The following OPCML variants were observed in gnomAD, a reference collection of about 807,000 sequenced individuals.
OPCML encodes the protein opioid-binding protein/cell adhesion molecule.
In OPCML, 13 loss-of-function variants were observed where a neutral mutation model predicts 37.8. The ratio of observed to expected loss-of-function variants is 0.34; its 90% confidence interval spans 0.22 to 0.55. The LOEUF (loss-of-function observed/expected upper bound fraction) is 0.55. Ranked by LOEUF, OPCML falls within the 20% of genes least tolerant of loss-of-function variation. The pLI is 0.91. For missense variants in OPCML, 341 were observed against 435.6 expected, an observed-to-expected ratio of 0.78 and a Z score of 1.93; for synonymous variants, 176 against 168.8, an observed-to-expected ratio of 1.04 and a Z score of -0.33.
intron 2 of OPCML, among the ~76,000 whole-genome samples, chr11:132,773,650 T>C (rs1946718237): frequency 6.6e-6 from 1 of 152,330 alleles, no homozygotes; most frequent in East Asian, 1.9e-4. Flanking sequence ...TTCTAGAAGT[T>C]TCTTCACTTT....
chr11:132,924,805 T>C (rs1281012122), intron 2 of OPCML, among the ~76,000 whole-genome samples: 7 of 152,342 alleles, frequency 4.6e-5, no homozygotes, highest in Non-Finnish European at 1.0e-4. Context: ...TGTGGTTTGG[T>C]GTCCGGCATT....
intron 1 of OPCML, among the ~76,000 whole-genome samples, chr11:133,018,018 T>A (rs541687579): frequency 6.6e-6 from 1 of 152,330 alleles, no homozygotes; most frequent in African/African-American, 2.4e-5. Context: ...CAGCCCTTGA[T>A]ACCTGCAGCC....
At chr11:132,823,702 A>G (rs777941288) in intron 2 of OPCML, among the ~76,000 whole-genome samples, 1 of 152,164 alleles carries the variant, frequency 6.6e-6, no homozygotes, top group Non-Finnish European at 1.5e-5. Context: ...AAAGAATTCT[A>G]TATATGCTTT....
At chr11:133,007,933 A>G (rs1182417618) in intron 1 of OPCML, 14 of 985,336 alleles carry the variant, frequency 1.4e-5, no homozygotes, top group Non-Finnish European at 1.7e-5. Context: ...TTGTGCATTT[A>G]TGTTTTATAT....
At chr11:132,712,257 C>A (rs1944294597) in intron 2 of OPCML, among the ~76,000 whole-genome samples, 1 of 152,086 alleles carries the variant, frequency 6.6e-6, no homozygotes, top group Non-Finnish European at 1.5e-5. Flanking sequence ...AGGACTTCAG[C>A]CTGGTTTTCT....
chr11:133,141,095 G>GAAGAAGAAGAGGA lies in OPCML; in HGVS notation c.62-198086_62-198085insTCCTCTTCTTCTT, dbSNP rs1565469375. 1.5e-4 allele frequency among the ~76,000 whole-genome samples: 2 copies of GAAGAAGAAGAGGA among 12,928 alleles called. 1 individual carries two copies. The highest frequency in any genetic ancestry group is 2.8e-4 in the African/African-American group (2 of 7,130). 8.5% of individuals were successfully genotyped at this position (12,928 alleles called of 152,430 possible). On this transcript the variant is annotated intron_variant, in intron 1 of 7. Coordinates refer to ENST00000524381, the MANE Select transcript of OPCML (RefSeq NM_001012393.5). ...GAAGAAGAAGAAGAAGAAGAAGAAG[G>GAAGAAGAAGAGGA]AGAAGAAGAAGCAGCTGAATGCCAA...
intron 2 of OPCML, among the ~76,000 whole-genome samples, chr11:132,836,093 A>G (rs4641492): frequency 0.28 from 42,373 of 152,094 alleles, 6,921 homozygotes; most frequent in Non-Finnish European, 0.38. Flanking sequence ...TGTATTTCAA[A>G]ATGCGAAATT....
At position 133,036,879 on chromosome 11, in the gene OPCML, T is replaced by C. The variant is rs149346820; in HGVS notation, c.62-93869A>G. Among the ~76,000 whole-genome samples the C allele has an allele frequency of 1.3e-4, 20 of 152,310 alleles. No homozygotes were observed. In the East Asian group the frequency reaches 3.9e-3, roughly 29 times the overall value. On this transcript the variant is annotated intron_variant, in intron 1 of 7. Transcript: ENST00000524381. ...TCTTCAGTTGTCCCACATCTATTCC[T>C]CCTTCTCTTTCATAATCCATTTGCT...
chr11:132,421,625 T>C (rs550884854), intron 7 of OPCML, among the ~76,000 whole-genome samples: 9 of 152,248 alleles, frequency 5.9e-5, no homozygotes, highest in Non-Finnish European at 1.2e-4. Flanking sequence ...ACTTAAAATA[T>C]ACATGCTTTT....
At chr11:132,728,210 C>T (rs992683963) in intron 2 of OPCML, among the ~76,000 whole-genome samples, 1 of 152,192 alleles carries the variant, frequency 6.6e-6, no homozygotes, top group African/African-American at 2.4e-5. Context: ...TGGCCAGGCT[C>T]CTGTAGCCCC....
chr11:132,535,343 G>A (rs118105364), intron 3 of OPCML, among the ~76,000 whole-genome samples: 4 of 152,010 alleles, frequency 2.6e-5, no homozygotes, highest in Non-Finnish European at 4.4e-5. Flanking sequence ...CTTTTAGGGG[G>A]TGTCTGTTTC....
chr11:132,729,420 T>A (rs1326087980), intron 2 of OPCML, among the ~76,000 whole-genome samples: 1 of 152,104 alleles, frequency 6.6e-6, no homozygotes, highest in Non-Finnish European at 1.5e-5. Context: ...CTTCCAAGGT[T>A]GGACAAAGGT....
chr11:133,503,464 G>A (rs1348019299), intron 1 of OPCML, among the ~76,000 whole-genome samples: 1 of 152,186 alleles, frequency 6.6e-6, no homozygotes, highest in Non-Finnish European at 1.5e-5. Context: ...ACAGCCAAAC[G>A]CAGCTCCTCC....
intron 1 of OPCML, among the ~76,000 whole-genome samples, chr11:133,481,392 T>C (rs1457962531): frequency 6.6e-6 from 1 of 151,970 alleles, no homozygotes. Context: ...GCAGACACAG[T>C]ATTAGAGCCC....
intron 1 of OPCML, among the ~76,000 whole-genome samples, chr11:133,442,547 A>G (rs1309484323): frequency 6.6e-6 from 1 of 152,188 alleles, no homozygotes; most frequent in Non-Finnish European, 1.5e-5. Context: ...ACATGTCAGT[A>G]AATAGGCTTC....
At chr11:133,142,139 ACCT>A (rs1176928410) in intron 1 of OPCML, among the ~76,000 whole-genome samples, 2 of 151,944 alleles carry the variant, frequency 1.3e-5, no homozygotes, top group Non-Finnish European at 2.9e-5. Flanking sequence ...CTCTATTCTC[ACCT>A]CTATTTCAAT....
intron 1 of OPCML, among the ~76,000 whole-genome samples, chr11:133,186,816 C>G (rs532105068): frequency 6.6e-6 from 1 of 152,254 alleles, no homozygotes; most frequent in East Asian, 1.9e-4. Flanking sequence ...CTGACTGGTG[C>G]TCAGTGTGGG....
At chr11:133,224,712 T>A (rs1290287741) in intron 1 of OPCML, among the ~76,000 whole-genome samples, 1 of 152,184 alleles carries the variant, frequency 6.6e-6, no homozygotes, top group Non-Finnish European at 1.5e-5. Context: ...AAAACAAAAC[T>A]GACTTTGAAC....
chr11:133,087,696 C>G lies in OPCML; in HGVS notation c.62-144686G>C, dbSNP rs559088422. Among the ~76,000 whole-genome samples, 22 of 152,340 alleles carry G rather than the reference C, an allele frequency of 1.4e-4. No individual in the cohort carries two copies. In the South Asian group the frequency reaches 4.6e-3, roughly 32 times the overall value. ...CATTTAGGAGCATCTATTAATATAT[C>G]TAACATGCCAGCGTGCCAGAGAACA... On this transcript the variant is annotated intron_variant, in intron 1 of 7. Coordinates refer to ENST00000524381, the MANE Select transcript of OPCML (RefSeq NM_001012393.5).
Sources: allele counts gnomAD v4.1 joint callset (sites outside exome capture counted in the v4.1 genomes callset), GRCh38; gene constraint gnomAD v4.1.1; transcripts MANE v1.5; gene names NCBI Gene and HGNC (gene_info 2026-07-23, HGNC 2026-07-21).